The following GPR158 variants were observed in gnomAD, a reference collection of about 807,000 sequenced individuals.
The protein encoded by GPR158 is metabotropic glycine receptor.
In GPR158, 30 loss-of-function variants were observed where a neutral mutation model predicts 78.2. That is an observed-to-expected ratio of 0.38 (90% CI 0.29 to 0.52). The LOEUF (loss-of-function observed/expected upper bound fraction) is 0.52. Ranked by LOEUF, GPR158 falls within the 20% of genes least tolerant of loss-of-function variation. GPR158 has a pLI of 0.83. For missense variants in GPR158, 1,463 were observed against 1,523.5 expected (o/e 0.96, Z 0.66); for synonymous variants, 581 against 591.1 (o/e 0.98, Z 0.25).
chr10:25,373,504 T>C (rs1415256110), intron 2 of GPR158, among the ~76,000 whole-genome samples: 1 of 151,978 alleles, frequency 6.6e-6, no homozygotes. Flanking sequence ...TTTATGTATC[T>C]TCTTTGGGTT....
At chr10:25,302,978 A>T (rs894677573) in intron 2 of GPR158, among the ~76,000 whole-genome samples, 2 of 152,230 alleles carry the variant, frequency 1.3e-5, no homozygotes, top group Non-Finnish European at 2.9e-5. Context: ...TTCGTCTGGT[A>T]GATGAATAGA....
chr10:25,429,301 G>T (rs1337940954), intron 4 of GPR158, among the ~76,000 whole-genome samples: 3 of 151,958 alleles, frequency 2.0e-5, no homozygotes, highest in Non-Finnish European at 4.4e-5. Context: ...GAACAAATAT[G>T]CATGGTATAT....
chr10:25,534,601 A>T (rs1194158119), intron 5 of GPR158, among the ~76,000 whole-genome samples: 1 of 152,008 alleles, frequency 6.6e-6, no homozygotes, highest in African/African-American at 2.4e-5. Context: ...AAAAAAAAAA[A>T]AAATTAGCTG....
intron 5 of GPR158, among the ~76,000 whole-genome samples, chr10:25,530,270 A>G (rs749891865): frequency 6.6e-6 from 1 of 152,250 alleles, no homozygotes; most frequent in Non-Finnish European, 1.5e-5. Flanking sequence ...ATATGTGGGC[A>G]TATTTTAATG....
chr10:25,341,177 C>T (rs1054511785), intron 2 of GPR158, among the ~76,000 whole-genome samples: 7 of 151,792 alleles, frequency 4.6e-5, no homozygotes, highest in Non-Finnish European at 7.4e-5. Flanking sequence ...CAGAGCAGCA[C>T]TAAAGAAAAT....
At chr10:25,508,783 A>G (rs74124047) in intron 5 of GPR158, among the ~76,000 whole-genome samples, 3,815 of 152,156 alleles carry the variant, frequency 0.025, 182 homozygotes, top group African/African-American at 0.086. Flanking sequence ...AGAAGACCTT[A>G]TTGCAATTAG....
At position 25,362,035 on chromosome 10, in the gene GPR158, A is replaced by G. The variant is rs879594216; in HGVS notation, c.1009-33876A>G. Among the ~76,000 whole-genome samples the G allele has an allele frequency of 6.8e-4, 104 of 151,876 alleles. 1 individual carries two copies. Among genetic ancestry groups the G allele is most frequent in the Non-Finnish European group, 1.5e-4 (10 of 67,886 alleles). The stretch of plus-strand genomic sequence containing the variant: ...TGTCTGAGCTTTTGGTTTCCTGTTA[A>G]AGAAATTATTCTCAAGTCCTGAGAA... On this transcript the variant is annotated intron_variant, in intron 2 of 10. Coordinates refer to ENST00000376351, the MANE Select transcript of GPR158 (RefSeq NM_020752.3).
chr10:25,560,891 T>C (rs1172866299), intron 6 of GPR158, among the ~76,000 whole-genome samples: 1 of 152,206 alleles, frequency 6.6e-6, no homozygotes, highest in Non-Finnish European at 1.5e-5. Flanking sequence ...CTGGACAATC[T>C]TGATTACAGA....
chr10:25,353,208 A>C (rs1384650040), intron 2 of GPR158, among the ~76,000 whole-genome samples: 1 of 152,038 alleles, frequency 6.6e-6, no homozygotes, highest in Non-Finnish European at 1.5e-5. Flanking sequence ...TTTATTTAAT[A>C]GTTAATTTTT....
chr10:25,422,543 G>A (rs1214495024), intron 4 of GPR158, among the ~76,000 whole-genome samples: 1 of 151,236 alleles, frequency 6.6e-6, no homozygotes, highest in African/African-American at 2.4e-5. Context: ...GTTGGAAACT[G>A]CTGCTTTATA....
At chr10:25,324,638 G>A (rs1344129146) in intron 2 of GPR158, among the ~76,000 whole-genome samples, 1 of 152,050 alleles carries the variant, frequency 6.6e-6, no homozygotes, top group Non-Finnish European at 1.5e-5. Flanking sequence ...GAAAAATGGT[G>A]CCCATAGACT....
chr10:25,255,144 C>G (rs1421483576), intron 2 of GPR158, among the ~76,000 whole-genome samples: 1 of 152,158 alleles, frequency 6.6e-6, no homozygotes, highest in African/African-American at 2.4e-5. Context: ...GCAAATAGCT[C>G]TTTTACTGAG....
rs117743494 is a variant in GPR158 at position 25,596,588 on chromosome 10, T to C, written c.1999-55T>C. 6,760 of 1,297,154 alleles carry C rather than the reference T, an allele frequency of 5.2e-3. 33 individuals carry two copies. Among genetic ancestry groups the C allele is most frequent in the Non-Finnish European group, 5.9e-3 (5,373 of 908,710 alleles). The allele number at this position is 1,297,154 out of a possible 1,614,324, so 80.4% of individuals were successfully genotyped here. Reference sequence around the variant, plus strand: ...ATAGGTATAGATATAGATATAGATATATGCAATGCGTTACAGTGAGCTAAT... The same window carrying C: ...ATAGGTATAGATATAGATATAGATACATGCAATGCGTTACAGTGAGCTAAT... On this transcript the variant is annotated intron_variant, in intron 9 of 10. Coordinates refer to ENST00000376351, the MANE Select transcript of GPR158 (RefSeq NM_020752.3).
chr10:25,477,517 G>A lies in GPR158; in HGVS notation c.1404+10798G>A, dbSNP rs530386917. Among the ~76,000 whole-genome samples the A allele has an allele frequency of 7.2e-4, 109 of 151,984 alleles. 2 individuals carry two copies. The highest frequency in any genetic ancestry group is 7.2e-3 in the Admixed American group (109 of 15,234). ...TCCAAAGAGCCCTGGTTCTTTTTAG[G>A]GCAGAATGGTAGCAGTTCACTTCTG... On this transcript the variant is annotated intron_variant, in intron 5 of 10. Transcript: ENST00000376351.
intron 2 of GPR158, among the ~76,000 whole-genome samples, chr10:25,271,057 C>T (rs950904413): frequency 1.3e-5 from 2 of 152,156 alleles, no homozygotes; most frequent in African/African-American, 4.8e-5. Context: ...TCTTTTAGCT[C>T]CTCCAGTGTT....
chr10:25,444,076 T>G (rs1404903600), intron 4 of GPR158, among the ~76,000 whole-genome samples: 10 of 152,120 alleles, frequency 6.6e-5, no homozygotes, highest in Admixed American at 6.5e-4. Flanking sequence ...TTGCAAGTTG[T>G]GACAATCAAA....
chr10:25,241,400 T>C (rs968279558), intron 2 of GPR158, among the ~76,000 whole-genome samples: 4 of 143,554 alleles, frequency 2.8e-5, no homozygotes, highest in African/African-American at 8.4e-5. Context: ...TCTTCTCTTC[T>C]CTTCTCTTCT....
At chr10:25,571,900 A>G (rs1232660508) in intron 6 of GPR158, among the ~76,000 whole-genome samples, 2 of 152,214 alleles carry the variant, frequency 1.3e-5, no homozygotes, top group South Asian at 2.1e-4. Context: ...GCCTTAGTCT[A>G]CCAAATGTTT....
chr10:25,380,952 G>A (rs1834146269), intron 2 of GPR158, among the ~76,000 whole-genome samples: 1 of 152,192 alleles, frequency 6.6e-6, no homozygotes, highest in South Asian at 2.1e-4. Flanking sequence ...TCTGCAGTTA[G>A]CAAGTATGCA....
Sources: allele counts gnomAD v4.1 joint callset (sites outside exome capture counted in the v4.1 genomes callset), GRCh38; gene constraint gnomAD v4.1.1; transcripts MANE v1.5; gene names NCBI Gene and HGNC (gene_info 2026-07-23, HGNC 2026-07-21).